Variants in PAPSS1 observed in about 807,000 individuals in gnomAD.
PAPSS1 encodes bifunctional 3'-phosphoadenosine 5'-phosphosulfate synthase 1.
In PAPSS1, 50 loss-of-function variants were observed where a neutral mutation model predicts 72.0. The observed-to-expected ratio is 0.69, with a 90% CI of 0.55 to 0.88. The LOEUF (loss-of-function observed/expected upper bound fraction) is 0.88. Among genes scored for constraint, PAPSS1 ranks in the 40% least tolerant of loss-of-function variants. The probability of loss-of-function intolerance (pLI) is 0.00; values close to 1 mark genes in which losing one functional copy is unlikely to be tolerated. For missense variants in PAPSS1, 657 were observed against 782.2 expected (o/e 0.84, Z 1.91); for synonymous variants, 261 against 263.6 (o/e 0.99, Z 0.09).
rs373169207 is a variant in PAPSS1, at chr4:107,657,017, T to G, written c.784-10A>C. The G allele has an allele frequency of 1.2e-6, 2 of 1,602,068 alleles. No individual in the cohort carries two copies. The highest frequency in any genetic ancestry group is 1.7e-6 in the Non-Finnish European group (2 of 1,169,382). On this transcript the variant is annotated splice_polypyrimidine_tract_variant and intron_variant, in intron 6 of 11. Coordinates refer to ENST00000265174, the MANE Select transcript of PAPSS1 (RefSeq NM_005443.5). Reference sequence around the variant, plus strand: ...CCCACTGCATATCCACCTAGTAAATTTGAAAGTAAAGCAAAATTTTCTATT... The same window carrying G: ...CCCACTGCATATCCACCTAGTAAATGTGAAAGTAAAGCAAAATTTTCTATT...
intron 5 of PAPSS1, among the ~76,000 whole-genome samples, chr4:107,660,308 C>A (rs957634216): frequency 1.3e-5 from 2 of 152,066 alleles, no homozygotes; most frequent in African/African-American, 4.8e-5. Flanking sequence ...CTAAAATATA[C>A]TACATATGTC....
chr4:107,708,375 C>G (rs1255049786), intron 1 of PAPSS1, among the ~76,000 whole-genome samples: 1 of 152,192 alleles, frequency 6.6e-6, no homozygotes, highest in African/African-American at 2.4e-5. Flanking sequence ...GAGCTAAAGT[C>G]TCTGCTAAAA....
chr4:107,694,975 C>T (rs1227464921), intron 2 of PAPSS1, among the ~76,000 whole-genome samples: 1 of 151,068 alleles, frequency 6.6e-6, no homozygotes, highest in Admixed American at 6.6e-5. Flanking sequence ...GAAGAGAGGG[C>T]TTTTTTTTGG....
In PAPSS1 at chr4:107,654,707, G is replaced by A. The variant is rs1560573763; in HGVS notation, c.1089C>T (p.His363=). The A allele has an allele frequency of 3.1e-6, 5 of 1,612,536 alleles. No individual in the cohort carries two copies. The South Asian group carries it at 5.5e-5, about 18-fold the overall frequency. ...GTTTTTTCAGCACCTTAATATAGGGGTGGTTCTTGCATGTCGTTCCCCACT... is the reference window on the plus strand; with the variant it reads ...GTTTTTTCAGCACCTTAATATAGGGATGGTTCTTGCATGTCGTTCCCCACT... ...ARQWGTTCKN[H]PYIKMVMEQG... is the part of the protein sequence containing the mutation. The change falls in exon 8 of 12, where the codon CAC becomes CAT. Residue 363 remains histidine (H), a synonymous_variant. Transcript: ENST00000265174.
chr4:107,687,228 T>C, intron 3 of PAPSS1, 51 bp from the exon 4 acceptor site: 1 of 1,359,786 alleles, frequency 7.4e-7, no homozygotes, highest in Non-Finnish European at 9.7e-7. Context: ...AAACGTACTA[T>C]ATTAATATTA....
At chr4:107,707,418 C>T (rs1485762345) in intron 1 of PAPSS1, among the ~76,000 whole-genome samples, 1 of 152,104 alleles carries the variant, frequency 6.6e-6, no homozygotes, top group African/African-American at 2.4e-5. Context: ...GGAGCTGGAA[C>T]CTTGGGCTGC....
At chr4:107,674,959 G>A (rs1727596976) in intron 5 of PAPSS1, among the ~76,000 whole-genome samples, 1 of 152,130 alleles carries the variant, frequency 6.6e-6, no homozygotes, top group Non-Finnish European at 1.5e-5. Context: ...AATGAAGGCA[G>A]AAATAAAGAT....
At chr4:107,686,505 G>A (rs1038807606) in intron 4 of PAPSS1, among the ~76,000 whole-genome samples, 1 of 152,118 alleles carries the variant, frequency 6.6e-6, no homozygotes, top group African/African-American at 2.4e-5. Context: ...CACACATGTG[G>A]AATGCACAGA....
chr4:107,690,206 C>A (rs1722880827), intron 3 of PAPSS1, among the ~76,000 whole-genome samples: 2 of 152,126 alleles, frequency 1.3e-5, no homozygotes, highest in Non-Finnish European at 2.9e-5. Flanking sequence ...CCTTTTGGGG[C>A]AAAATCCTTT....
intron 9 of PAPSS1, among the ~76,000 whole-genome samples, chr4:107,652,131 C>A (rs965229724): frequency 6.6e-6 from 1 of 152,142 alleles, no homozygotes; most frequent in Non-Finnish European, 1.5e-5. Context: ...GCTATATACC[C>A]CAAAAAGGCA....
chr4:107,714,648 T>G (rs574747014), intron 1 of PAPSS1, among the ~76,000 whole-genome samples: 1 of 152,288 alleles, frequency 6.6e-6, no homozygotes, highest in African/African-American at 2.4e-5. Context: ...TTTTTAGAAA[T>G]TTAGGTTTTT....
At chr4:107,623,899 T>C (rs1236582945) in intron 11 of PAPSS1, among the ~76,000 whole-genome samples, 1 of 152,238 alleles carries the variant, frequency 6.6e-6, no homozygotes, top group Non-Finnish European at 1.5e-5. Context: ...CACAATACTT[T>C]TATGAAAATG....
chr4:107,693,681 G>A, intron 3 of PAPSS1, 90 bp downstream of exon 3: 1 of 867,508 alleles, frequency 1.2e-6, no homozygotes, highest in South Asian at 1.5e-5. Flanking sequence ...TAGCCTCAAA[G>A]CACATATCAA....
intron 11 of PAPSS1, among the ~76,000 whole-genome samples, chr4:107,620,568 T>G (rs912389791): frequency 6.6e-6 from 1 of 152,204 alleles, no homozygotes; most frequent in Admixed American, 6.5e-5. Context: ...TATTAAATAT[T>G]CAGCCAAATA....
At chr4:107,718,494 C>T (rs1303835050) in intron 1 of PAPSS1, 1 of 152,258 alleles carries the variant, frequency 6.6e-6, no homozygotes, top group Non-Finnish European at 1.5e-5. Flanking sequence ...CCTCCCAAAA[C>T]GCCCAGGCGA....
chr4:107,656,568 C>A (rs529627685), intron 7 of PAPSS1, among the ~76,000 whole-genome samples: 1 of 152,282 alleles, frequency 6.6e-6, no homozygotes, highest in Admixed American at 6.5e-5. Flanking sequence ...AAACGCAGCA[C>A]GTACATGCCC....
intron 5 of PAPSS1, among the ~76,000 whole-genome samples, chr4:107,670,597 G>A (rs556705971): frequency 2.7e-4 from 41 of 152,246 alleles, no homozygotes; most frequent in African/African-American, 9.1e-4. Context: ...GGAGGGCAGT[G>A]GCAGAATCAT....
At chr4:107,649,777 A>C (rs1362876040) in intron 9 of PAPSS1, among the ~76,000 whole-genome samples, 1 of 152,238 alleles carries the variant, frequency 6.6e-6, no homozygotes, top group Non-Finnish European at 1.5e-5. Context: ...ACACTGTACT[A>C]CCACACACTA....
rs114209040 is a variant in PAPSS1 at position 107,631,590 on chromosome 4, C to T, written c.1736+41G>A. On this transcript the variant is annotated intron_variant, in intron 11 of 11. Coordinates refer to ENST00000265174, the MANE Select transcript of PAPSS1 (RefSeq NM_005443.5). ...TAAATCCCTGGGAGCAGCTAGACCA[C>T]GAAGTACTTCAAAGATTTGTACAGA... is the stretch of plus-strand genomic sequence containing the variant. The T allele has an allele frequency of 1.0e-3, 1,456 of 1,422,078 alleles. 10 individuals are homozygous for T. The African/African-American group carries it at 0.018, about 17-fold the overall frequency. 88.1% of individuals were successfully genotyped at this position (1,422,078 alleles called of 1,614,324 possible).
Sources: allele counts gnomAD v4.1 joint callset (sites outside exome capture counted in the v4.1 genomes callset), GRCh38; gene constraint gnomAD v4.1.1; transcripts MANE v1.5; gene names NCBI Gene and HGNC (gene_info 2026-07-23, HGNC 2026-07-21).